Variants in AGBL4 observed in about 807,000 individuals in gnomAD.
AGBL4 encodes the protein cytosolic carboxypeptidase 6.
AGBL4 carries 58 observed loss-of-function variants against 66.4 expected under a neutral mutation model. The observed-to-expected ratio is 0.87, with a 90% CI of 0.71 to 1.09. The LOEUF (loss-of-function observed/expected upper bound fraction) is 1.09, where lower values mean the gene tolerates loss of function less well. Among genes scored for constraint, AGBL4 ranks in the 50% least tolerant of loss-of-function variants. The pLI is 0.00. For synonymous variants in AGBL4, 234 were observed against 222.9 expected (o/e 1.05, Z -0.44); for missense variants, 579 against 631.0 (o/e 0.92, Z 0.88).
chr1:49,777,192 A>G (rs984347569), intron 2 of AGBL4, among the ~76,000 whole-genome samples: 45 of 152,138 alleles, frequency 3.0e-4, no homozygotes, highest in African/African-American at 9.2e-4. Flanking sequence ...CATAACAATT[A>G]CTTCATAGAA....
intron 5 of AGBL4, among the ~76,000 whole-genome samples, chr1:49,030,419 CAT>C (rs1399945712): frequency 6.6e-6 from 1 of 152,070 alleles, no homozygotes; most frequent in African/African-American, 2.4e-5. Context: ...GTGAGAAATA[CAT>C]TTCTGTTGTT....
At chr1:48,622,882 C>T (rs896815729) in intron 9 of AGBL4, among the ~76,000 whole-genome samples, 6 of 152,190 alleles carry the variant, frequency 3.9e-5, no homozygotes, top group Admixed American at 3.3e-4. Context: ...CTCATTTAAT[C>T]TTCAAAACAA....
At chr1:49,234,290 C>A (rs896634568) in intron 4 of AGBL4, among the ~76,000 whole-genome samples, 8 of 152,174 alleles carry the variant, frequency 5.3e-5, no homozygotes, top group Non-Finnish European at 1.0e-4. Context: ...ATAGGAAAAT[C>A]TGACACAGCA....
intron 1 of AGBL4, among the ~76,000 whole-genome samples, chr1:49,855,423 C>T (rs1646409237): frequency 6.6e-6 from 1 of 152,148 alleles, no homozygotes; most frequent in Non-Finnish European, 1.5e-5. Context: ...ATTTACAGAA[C>T]ATTTCATCCA....
At chr1:49,011,753 T>A (rs763554020) in intron 5 of AGBL4, among the ~76,000 whole-genome samples, 30 of 151,796 alleles carry the variant, frequency 2.0e-4, no homozygotes, top group South Asian at 1.9e-3. Context: ...AAAATGGAAA[T>A]CATCATTCTC....
At chr1:48,539,825 T>C (rs1199821501) in intron 11 of AGBL4, 87 bp from the exon 12 acceptor site, 3 of 882,050 alleles carry the variant, frequency 3.4e-6, no homozygotes, top group Non-Finnish European at 4.8e-6. Flanking sequence ...ATAACAGTAA[T>C]AAAAACAGTT....
intron 3 of AGBL4, among the ~76,000 whole-genome samples, chr1:49,466,946 G>A (rs1199508702): frequency 6.6e-6 from 1 of 151,738 alleles, no homozygotes; most frequent in African/African-American, 2.4e-5. Context: ...AATTCTAAGA[G>A]AAGTTCAAAA....
intron 1 of AGBL4, among the ~76,000 whole-genome samples, chr1:49,895,055 T>C (rs1458534868): frequency 1.3e-5 from 2 of 152,110 alleles, no homozygotes; most frequent in Non-Finnish European, 2.9e-5. Context: ...CCAATATGTC[T>C]GGTAGCAACA....
intron 3 of AGBL4, among the ~76,000 whole-genome samples, chr1:49,405,963 A>G (rs1350774304): frequency 6.6e-6 from 1 of 152,212 alleles, no homozygotes; most frequent in Non-Finnish European, 1.5e-5. Context: ...ATGCTTATTG[A>G]TATGTTAAGC....
chr1:49,954,714 T>C (rs1025951354), intron 1 of AGBL4, among the ~76,000 whole-genome samples: 2 of 151,970 alleles, frequency 1.3e-5, no homozygotes, highest in African/African-American at 4.8e-5. Context: ...TTAGGGAAGG[T>C]GACTTGGCTA....
chr1:49,948,057 T>TATTTATATATATAAATATATATAA (rs1557608136), intron 1 of AGBL4, among the ~76,000 whole-genome samples: 5 of 92,572 alleles, frequency 5.4e-5, no homozygotes, highest in African/African-American at 2.4e-4. Flanking sequence ...TATAAATATA[T>TATTTATATATATAAATATATATAA]ATATGTAAAT....
At chr1:48,782,495 G>A (rs145137843) in intron 6 of AGBL4, among the ~76,000 whole-genome samples, 28 of 152,256 alleles carry the variant, frequency 1.8e-4, no homozygotes, top group African/African-American at 5.8e-4. Context: ...CAATTGGAGC[G>A]TGCCTTTTCA....
At chr1:49,079,577 G>A (rs967038102) in intron 4 of AGBL4, among the ~76,000 whole-genome samples, 1 of 152,088 alleles carries the variant, frequency 6.6e-6, no homozygotes, top group African/African-American at 2.4e-5. Flanking sequence ...GGGGATTACA[G>A]GTCCCTCCCT....
downstream of AGBL4, among the ~76,000 whole-genome samples, chr1:48,528,950 G>C (rs983282086): frequency 3.3e-5 from 5 of 152,000 alleles, no homozygotes; most frequent in Non-Finnish European, 5.9e-5. Flanking sequence ...ATGAGGCTGG[G>C]TGAATATCAT....
chr1:49,330,649 A>C (rs1645313642), intron 3 of AGBL4, among the ~76,000 whole-genome samples: 1 of 152,200 alleles, frequency 6.6e-6, no homozygotes, highest in Non-Finnish European at 1.5e-5. Flanking sequence ...AGAATATGAA[A>C]ATTCAAAGGT....
rs146913092 is a variant in AGBL4, at chr1:48,986,325, C to A, written c.594+59259G>T. The stretch of plus-strand genomic sequence containing the variant: ...CTGATTAAAGAAACTCAATGAATCC[C>A]AAGCACAAAAAACATGAAGAAAACT... On this transcript the variant is annotated intron_variant, in intron 5 of 13. Coordinates refer to ENST00000371839, the MANE Select transcript of AGBL4 (RefSeq NM_032785.4). Among the ~76,000 whole-genome samples the A allele has an allele frequency of 3.0e-4, 45 of 151,926 alleles. 1 individual carries two copies. The highest frequency in any genetic ancestry group is 1.0e-3 in the African/African-American group (43 of 41,494).
At chr1:48,644,162 A>G (rs1318693690) in intron 8 of AGBL4, among the ~76,000 whole-genome samples, 1 of 152,132 alleles carries the variant, frequency 6.6e-6, no homozygotes, top group Non-Finnish European at 1.5e-5. Flanking sequence ...AGTGTCTGAC[A>G]GCTATATACA....
At chr1:49,268,467 C>G (rs1158633027) in intron 3 of AGBL4, among the ~76,000 whole-genome samples, 1 of 150,464 alleles carries the variant, frequency 6.6e-6, no homozygotes, top group African/African-American at 2.5e-5. Flanking sequence ...AGATCTCACT[C>G]TATTGCACAG....
chr1:49,870,159 G>C (rs1248392336), intron 1 of AGBL4, among the ~76,000 whole-genome samples: 1 of 152,116 alleles, frequency 6.6e-6, no homozygotes, highest in African/African-American at 2.4e-5. Flanking sequence ...CATGTAACTG[G>C]ATAGGAAATC....
Sources: gnomAD v4.1 joint callset for allele counts (sites outside exome capture counted in the v4.1 genomes callset) on GRCh38, gnomAD v4.1.1 for gene constraint, MANE v1.5 for transcripts, NCBI Gene and HGNC (gene_info 2026-07-23, HGNC 2026-07-21) for gene names.